Variants in DNMT3A observed in about 807,000 individuals in gnomAD.
DNMT3A encodes the protein DNA methyltransferase 3 alpha.
Under a neutral mutation model 117.6 loss-of-function variants are expected in DNMT3A, and 267 were observed. The observed-to-expected ratio is 2.27, with a 90% confidence interval of 2.05 to 2.51. The LOEUF is 2.51. Ranked by LOEUF, DNMT3A falls within the 30% of genes most tolerant of loss-of-function variation. DNMT3A has a pLI of 0.00. For synonymous variants in DNMT3A, 432 were observed against 474.8 expected (o/e 0.91, Z 1.17); for missense variants, 1,029 against 1,260.2 (o/e 0.82, Z 2.78).
At position 25,236,923 on chromosome 2, in the gene DNMT3A, C is replaced by T. The variant is rs143620117; in HGVS notation, c.2478+13G>A. On this transcript the variant is annotated intron_variant, in intron 21 of 22. Coordinates refer to ENST00000321117, the MANE Select transcript of DNMT3A (RefSeq NM_022552.5). The surrounding 1 kb of genome is among the most constrained non-coding windows in gnomAD (Gnocchi z 4.5). ...CCTGCCCCCCAGCAGAGGTTCTAGACGCTGGAGCTGACCTTGGCTATCCTG... is the reference window on the plus strand; with the variant it reads ...CCTGCCCCCCAGCAGAGGTTCTAGATGCTGGAGCTGACCTTGGCTATCCTG... 752 of 1,609,586 alleles carry T rather than the reference C, an allele frequency of 4.7e-4. No individual in the cohort carries two copies. Among genetic ancestry groups the T allele is most frequent in the Admixed American group, 5.9e-4 (35 of 59,252 alleles).
intron 6 of DNMT3A, among the ~76,000 whole-genome samples, chr2:25,253,800 G>A (rs968831065): frequency 1.3e-5 from 2 of 152,202 alleles, no homozygotes; most frequent in Non-Finnish European, 2.9e-5. Flanking sequence ...TTGGCCGAGC[G>A]CGGTGGCTCA....
At chr2:25,239,045 G>T in intron 20 of DNMT3A, 85 bp downstream of exon 20, 2 of 1,203,962 alleles carry the variant, frequency 1.7e-6, no homozygotes, top group Non-Finnish European at 2.4e-6. Flanking sequence ...GCCAGAGAGG[G>T]CCCGGCTCAG....
Position 25,282,782 on chromosome 2 carries a change from C to G in DNMT3A, c.178-71G>C. The G allele has an allele frequency of 1.4e-6, 2 of 1,467,456 alleles. No individual in the cohort carries two copies. The highest frequency in any genetic ancestry group is 9.0e-7 in the Non-Finnish European group (1 of 1,105,032). The allele number at this position is 1,467,456 out of a possible 1,614,324, so 90.9% of individuals were successfully genotyped here. A position where few individuals can be genotyped will look rare whatever the true frequency, so the allele number is the denominator to read the frequency against. Reference sequence around the variant, plus strand: ...GCTTAGCCTGTTTTGGATCATTGACCGCTCTGAAATTCTAGAGAATGTTAT... The same window carrying G: ...GCTTAGCCTGTTTTGGATCATTGACGGCTCTGAAATTCTAGAGAATGTTAT... On this transcript the variant is annotated intron_variant, in intron 3 of 22. Coordinates refer to ENST00000321117, the MANE Select transcript of DNMT3A (RefSeq NM_022552.5). This position sits in a 1 kb window ranked among gnomAD's most constrained non-coding sequence, Gnocchi z 5.2.
At chr2:25,245,359 T>C in intron 12 of DNMT3A, 27 bp from the exon 13 acceptor site, 1 of 1,604,360 alleles carries the variant, frequency 6.2e-7, no homozygotes, top group African/African-American at 1.3e-5. Context: ...GGGGATGGGG[T>C]GAGTACCACC....
chr2:25,241,599 A>G lies in DNMT3A; in HGVS notation c.2045T>C (p.Met682Thr). 6.2e-7 allele frequency: 1 copy of G among 1,613,152 alleles called. No individual in the cohort carries two copies. The highest frequency in any genetic ancestry group is 8.5e-7 in the Non-Finnish European group (1 of 1,179,634). The change falls in exon 17 of 23, where the codon ATG becomes ACG. Residue 682 changes from methionine (M) to threonine (T), a missense_variant. Transcript: ENST00000321117. ...VGMVRHQGKI[M>T]YVGDVRSVTQ... is the part of the protein sequence containing the mutation. Reference sequence around the variant, plus strand: ...GACGCTGCGGACGTCCCCGACGTACATGATCTTCCCCTGGTGCCGCACCAT... The same window carrying G: ...GACGCTGCGGACGTCCCCGACGTACGTGATCTTCCCCTGGTGCCGCACCAT...
chr2:25,324,449 A>G (rs1265356576), intron 1 of DNMT3A, among the ~76,000 whole-genome samples: 5 of 152,204 alleles, frequency 3.3e-5, no homozygotes, highest in African/African-American at 1.2e-4. Flanking sequence ...TGAGCATGCT[A>G]AACACACATC....
At chr2:25,272,302 A>C (rs1024922687) in intron 6 of DNMT3A, among the ~76,000 whole-genome samples, 1 of 152,180 alleles carries the variant, frequency 6.6e-6, no homozygotes, top group East Asian at 1.9e-4. Flanking sequence ...AAGTCTTTTT[A>C]AATTTTAGTA....
At chr2:25,332,009 C>T (rs1333347487) in intron 1 of DNMT3A, among the ~76,000 whole-genome samples, 1 of 152,206 alleles carries the variant, frequency 6.6e-6, no homozygotes, top group African/African-American at 2.4e-5. Flanking sequence ...CCGCCTGTTC[C>T]TACTGACTGC....
chr2:25,305,513 C>T lies in DNMT3A; in HGVS notation c.73-5270G>A, dbSNP rs988621637. Among the ~76,000 whole-genome samples the T allele has an allele frequency of 1.3e-5, 2 of 152,228 alleles. No individual in the cohort carries two copies. The highest frequency in any genetic ancestry group is 2.9e-5 in the Non-Finnish European group (2 of 68,046). ...TATGTTATTTCATTGTATTCTTACACTTTACAGAAAGCAGAGCTGGTATTA... is the reference window on the plus strand; with the variant it reads ...TATGTTATTTCATTGTATTCTTACATTTTACAGAAAGCAGAGCTGGTATTA... On this transcript the variant is annotated intron_variant, in intron 2 of 22. Coordinates refer to ENST00000321117, the MANE Select transcript of DNMT3A (RefSeq NM_022552.5). This position sits in a 1 kb window ranked among gnomAD's most constrained non-coding sequence, Gnocchi z 4.1.
intron 3 of DNMT3A, among the ~76,000 whole-genome samples, chr2:25,297,620 C>T (rs974814727): frequency 6.6e-6 from 1 of 151,070 alleles, no homozygotes; most frequent in African/African-American, 2.4e-5. Context: ...AAGCGATTCT[C>T]TTGCCTCAGC....
chr2:25,239,284 G>A, intron 19 of DNMT3A, 69 bp from the exon 20 acceptor site: 2 of 1,435,158 alleles, frequency 1.4e-6, no homozygotes, highest in Non-Finnish European at 9.7e-7. Context: ...ATGCTGCTGG[G>A]GTCGAGCCTT....
chr2:25,302,377 C>T (rs926063471), intron 2 of DNMT3A, among the ~76,000 whole-genome samples: 14 of 152,072 alleles, frequency 9.2e-5, no homozygotes, highest in South Asian at 2.1e-4. Flanking sequence ...CAGAGTGACA[C>T]GGCAGTGAGG....
rs1035728173 is a variant in DNMT3A at position 25,274,922 on chromosome 2, A to T, written c.639+19T>A. The stretch of plus-strand genomic sequence containing the variant: ...AGTTCTGCAGGACGGGCTGGGGCCC[A>T]GGCCAGAAGGCGCCTCACCTCCCTT... On this transcript the variant is annotated intron_variant, in intron 6 of 22. Coordinates refer to ENST00000321117, the MANE Select transcript of DNMT3A (RefSeq NM_022552.5). 2.2e-5 allele frequency: 35 copies of T among 1,599,634 alleles called. No individual in the cohort carries two copies. Among genetic ancestry groups the T allele is most frequent in the Non-Finnish European group, 2.9e-5 (34 of 1,169,680 alleles).
rs147880714 is a variant in DNMT3A at position 25,298,487 on chromosome 2, T to A, written c.177+1652A>T. On this transcript the variant is annotated intron_variant, in intron 3 of 22. Transcript: ENST00000321117. This position sits in a 1 kb window ranked among gnomAD's most constrained non-coding sequence, Gnocchi z 4.3. ...TATTTGCTACAGGTGGTGGCTCTTG[T>A]CCTCAGAAACTGGACGGGGACAGGG... is the stretch of plus-strand genomic sequence containing the variant. Among the ~76,000 whole-genome samples the A allele has an allele frequency of 4.9e-3, 754 of 152,326 alleles. 4 individuals are homozygous for A. The highest frequency in any genetic ancestry group is 0.01 in the Middle Eastern group (3 of 294).
At chr2:25,297,321 G>A (rs950952243) in intron 3 of DNMT3A, among the ~76,000 whole-genome samples, 32 of 152,064 alleles carry the variant, frequency 2.1e-4, no homozygotes, top group Non-Finnish European at 8.8e-5. Flanking sequence ...GAGGCCAGGC[G>A]ACGGCAGGTG....
At chr2:25,273,557 G>T (rs1179403184) in intron 6 of DNMT3A, among the ~76,000 whole-genome samples, 1 of 152,154 alleles carries the variant, frequency 6.6e-6, no homozygotes, top group East Asian at 1.9e-4. Context: ...TGTGCAGCTA[G>T]GTCACCACCC....
At chr2:25,330,774 C>G (rs913399578) in intron 1 of DNMT3A, among the ~76,000 whole-genome samples, 1 of 152,240 alleles carries the variant, frequency 6.6e-6, no homozygotes, top group East Asian at 1.9e-4. Context: ...CTCTCCCGGA[C>G]AGCTCTGCAC....
chr2:25,314,133 C>A lies in DNMT3A; in HGVS notation c.-149G>T. The A allele has an allele frequency of 7.0e-7, 1 of 1,426,232 alleles. No individual in the cohort carries two copies. The highest frequency in any genetic ancestry group is 9.1e-7 in the Non-Finnish European group (1 of 1,093,370). 88.3% of individuals were successfully genotyped at this position (1,426,232 alleles called of 1,614,324 possible). A position where few individuals can be genotyped will look rare whatever the true frequency, so the allele number is the denominator to read the frequency against. On this transcript the variant is annotated 5_prime_UTR_variant, in exon 2 of 23. Coordinates refer to ENST00000321117, the MANE Select transcript of DNMT3A (RefSeq NM_022552.5). ...CTCTGGTGAACGGTGCCTCTGTCAG[C>A]CTGTGGGTGGGGGCTTCGATGGCTC...
intron 22 of DNMT3A, 74 bp downstream of exon 22, chr2:25,235,633 G>A: frequency 8.2e-7 from 1 of 1,212,678 alleles, no homozygotes; most frequent in Non-Finnish European, 1.2e-6. Context: ...GGTGGGAAAG[G>A]CAGAGGACCC....
Sources: allele counts gnomAD v4.1 joint callset (sites outside exome capture counted in the v4.1 genomes callset), GRCh38; gene constraint gnomAD v4.1.1; non-coding constraint Gnocchi (gnomAD v3.1); transcripts MANE v1.5; gene names NCBI Gene and HGNC (gene_info 2026-07-23, HGNC 2026-07-21).